CHL1: variants seen among roughly 807,000 people sequenced by gnomAD.
The protein encoded by CHL1 is neural cell adhesion molecule L1-like protein.
A neutral mutation model predicts 141.9 loss-of-function variants in CHL1; 96 were observed. The ratio of observed to expected loss-of-function variants is 0.68; its 90% CI spans 0.57 to 0.80. The LOEUF is 0.80. Ranked by LOEUF, CHL1 falls within the 30% of genes least tolerant of loss-of-function variation. CHL1 has a pLI of 0.00. For missense variants in CHL1, 1,820 were observed against 1,457.2 expected, an observed-to-expected ratio of 1.25 and a Z score of -4.05; for synonymous variants, 613 against 502.2, an observed-to-expected ratio of 1.22 and a Z score of -2.95.
intron 2 of CHL1, among the ~76,000 whole-genome samples, chr3:283,271 TA>T (rs1286462306): frequency 1.3e-5 from 2 of 152,248 alleles, no homozygotes; most frequent in Non-Finnish European, 2.9e-5. Context: ...AGTCTTCCCC[TA>T]ATGTTTGCAT....
intron 2 of CHL1, among the ~76,000 whole-genome samples, chr3:318,084 T>G (rs1002900410): frequency 6.6e-6 from 1 of 151,816 alleles, no homozygotes; most frequent in African/African-American, 2.4e-5. Flanking sequence ...GATTCACAAC[T>G]TTTTTGGAGG....
At chr3:256,956 C>G (rs1048815901) in intron 2 of CHL1, among the ~76,000 whole-genome samples, 5 of 152,150 alleles carry the variant, frequency 3.3e-5, no homozygotes, top group Admixed American at 3.3e-4. Flanking sequence ...CATGGAAATT[C>G]CCATTCAAGG....
rs564582153 is a variant in CHL1 at position 307,246 on chromosome 3, A to G, written c.-94-12437A>G. Among the ~76,000 whole-genome samples the G allele has an allele frequency of 3.3e-5, 5 of 152,336 alleles. No individual in the cohort carries two copies. The East Asian group carries it at 5.8e-4, about 18-fold the overall frequency. ...ACAGTCTTAGGATGAAATTGTCCAG[A>G]CAAACAAATATGTATTAGCCATCAA... On this transcript the variant is annotated intron_variant, in intron 2 of 27. Coordinates refer to ENST00000256509, the MANE Select transcript of CHL1 (RefSeq NM_006614.4).
rs970774873 is a variant in CHL1, at chr3:408,408, G to C, written c.*2697G>C. ...TCTTCCTGGTTCCAGCACTGATTTT[G>C]TACATAAACATTAGGCAGGTTGCTT... On this transcript the variant is annotated 3_prime_UTR_variant, in exon 28 of 28. Coordinates refer to ENST00000256509, the MANE Select transcript of CHL1 (RefSeq NM_006614.4). 2 of 152,074 alleles carry C rather than the reference G, an allele frequency of 1.3e-5. No individual in the cohort carries two copies. The highest frequency in any genetic ancestry group is 4.8e-5 in the African/African-American group (2 of 41,422). 9.4% of individuals were successfully genotyped at this position (152,074 alleles called of 1,614,324 possible). A position where few individuals can be genotyped will look rare whatever the true frequency, so the allele number is the denominator to read the frequency against.
intron 3 of CHL1, 63 bp from the exon 4 acceptor site, chr3:325,895 GC>G: frequency 9.3e-7 from 1 of 1,080,734 alleles, no homozygotes; most frequent in Non-Finnish European, 1.4e-6. Context: ...AAGTGTTTTC[GC>G]TATAGATTAA....
chr3:300,607 C>T (rs533114802), intron 2 of CHL1, among the ~76,000 whole-genome samples: 2 of 152,230 alleles, frequency 1.3e-5, no homozygotes, highest in South Asian at 4.1e-4. Context: ...CAAGGCAATA[C>T]CTTTGGCAAT....
chr3:354,851 T>C, intron 11 of CHL1, 80 bp downstream of exon 11: 1 of 1,548,162 alleles, frequency 6.5e-7, no homozygotes, highest in African/African-American at 1.4e-5. Context: ...GTGTGTAAAA[T>C]GAAGTTGGTA....
intron 1 of CHL1, among the ~76,000 whole-genome samples, chr3:242,323 G>T (rs533428047): frequency 1.5e-5 from 2 of 134,812 alleles, no homozygotes; most frequent in African/African-American, 5.2e-5. Context: ...CTGGCTGAGC[G>T]CGGTGGCTCA....
At chr3:388,378 T>A (rs1383889765) in intron 19 of CHL1, among the ~76,000 whole-genome samples, 1 of 151,420 alleles carries the variant, frequency 6.6e-6, no homozygotes, top group Non-Finnish European at 1.5e-5. Context: ...AGAAACCCTG[T>A]CTCTACTAAA....
At chr3:228,754 A>C (rs138011183) in intron 1 of CHL1, among the ~76,000 whole-genome samples, 3 of 152,180 alleles carry the variant, frequency 2.0e-5, no homozygotes, top group African/African-American at 7.2e-5. Context: ...GTGGCATCTT[A>C]TGTAGATTTC....
intron 24 of CHL1, 65 bp from the exon 25 acceptor site, chr3:398,159 CAAT>C: frequency 8.8e-7 from 1 of 1,133,190 alleles, no homozygotes; most frequent in Non-Finnish European, 1.2e-6. Context: ...CCTCTAACAA[CAAT>C]ATTTTTTTAT....
At position 325,974 on chromosome 3, in the gene CHL1, C is replaced by A; in HGVS notation, c.107C>A (p.Thr36Lys). 2 of 1,608,566 alleles carry A rather than the reference C, an allele frequency of 1.2e-6. No homozygotes were observed. Among genetic ancestry groups the A allele is most frequent in the Non-Finnish European group, 1.7e-6 (2 of 1,176,268 alleles). ...EIPSSVQQVP[T>K]IIKQSKVQVA... ...TAATATTTAGTTCAACAGGTTCCAA[C>A]AATCATAAAACAGTCAAAAGTCCAA... Residue 36 changes from threonine (T) to lysine (K), a missense_variant, in exon 4 of 28, where the codon ACA (threonine) becomes AAA (lysine). Coordinates refer to ENST00000256509, the MANE Select transcript of CHL1 (RefSeq NM_006614.4).
At chr3:276,892 A>G (rs1201942014) in intron 2 of CHL1, among the ~76,000 whole-genome samples, 1 of 43,924 alleles carries the variant, frequency 2.3e-5, no homozygotes, top group Non-Finnish European at 4.7e-5. Flanking sequence ...CCGTCTCCTA[A>G]AAAAAAAAAA....
At chr3:389,133 A>G in intron 19 of CHL1, 119 bp from the exon 20 acceptor site, 2 of 789,810 alleles carry the variant, frequency 2.5e-6, no homozygotes, top group Non-Finnish European at 4.1e-6. Context: ...GGGATTTAAG[A>G]TCTCTCAACA....
intron 1 of CHL1, among the ~76,000 whole-genome samples, chr3:200,707 T>C (rs1050098116): frequency 1.1e-4 from 16 of 152,212 alleles, no homozygotes; most frequent in Non-Finnish European, 4.4e-5. Flanking sequence ...TATCTACAAG[T>C]AGAATTGGCA....
In CHL1 at chr3:406,706, AT is replaced by A. The variant is rs1709553980; in HGVS notation, c.*997del. 1 of 152,150 alleles carries A rather than the reference AT, an allele frequency of 6.6e-6. No homozygotes were observed. The allele number at this position is 152,150 out of a possible 1,614,324, so 9.4% of individuals were successfully genotyped here. A position where few individuals can be genotyped will look rare whatever the true frequency, so the allele number is the denominator to read the frequency against. ...AGGCATGTTTGTACAGCTAGAATAT[AT>A]TAGTAAGATACTGTTTTTCGTCATT... On this transcript the variant is annotated 3_prime_UTR_variant, in exon 28 of 28. Coordinates refer to ENST00000256509, the MANE Select transcript of CHL1 (RefSeq NM_006614.4).
At chr3:260,583 G>A (rs543321900) in intron 2 of CHL1, among the ~76,000 whole-genome samples, 2 of 152,152 alleles carry the variant, frequency 1.3e-5, no homozygotes, top group Non-Finnish European at 1.5e-5. Context: ...GATTCACACA[G>A]GCACAGGCAC....
chr3:404,054 T>C (rs1709346943), intron 27 of CHL1, among the ~76,000 whole-genome samples: 1 of 152,220 alleles, frequency 6.6e-6, no homozygotes, highest in African/African-American at 2.4e-5. Context: ...GCATTTTCTT[T>C]CTCAAGTTAT....
intron 1 of CHL1, among the ~76,000 whole-genome samples, chr3:199,541 T>C (rs1457984581): frequency 6.6e-6 from 1 of 152,240 alleles, no homozygotes; most frequent in African/African-American, 2.4e-5. Flanking sequence ...ATTTTGCACA[T>C]ACTATACTTA....
Sources: gnomAD v4.1 joint callset for allele counts (sites outside exome capture counted in the v4.1 genomes callset) on GRCh38, gnomAD v4.1.1 for gene constraint, MANE v1.5 for transcripts, NCBI Gene and HGNC (gene_info 2026-07-23, HGNC 2026-07-21) for gene names.